Variants in LRRTM4 observed in about 807,000 individuals in gnomAD.
LRRTM4 encodes leucine-rich repeat transmembrane neuronal protein 4.
Under a neutral mutation model 47.6 loss-of-function variants are expected in LRRTM4, and 25 were observed. The observed-to-expected ratio is 0.53, with a 90% CI of 0.38 to 0.73. The LOEUF (loss-of-function observed/expected upper bound fraction) is 0.73, where lower values mean the gene tolerates loss of function less well. Among genes scored for constraint, LRRTM4 ranks in the 30% least tolerant of loss-of-function variants. The pLI is 0.00. For missense variants in LRRTM4, 638 were observed against 713.4 expected (o/e 0.89, Z 1.20); for synonymous variants, 311 against 269.5 (o/e 1.15, Z -1.51).
intron 3 of LRRTM4, among the ~76,000 whole-genome samples, chr2:76,809,237 ATCC>A (rs1468441001): frequency 6.6e-6 from 1 of 152,188 alleles, no homozygotes; most frequent in Non-Finnish European, 1.5e-5. Flanking sequence ...CATACATGCA[ATCC>A]TATTGTACAT....
At chr2:76,816,832 T>TG (rs1670913836) in intron 3 of LRRTM4, among the ~76,000 whole-genome samples, 2 of 33,506 alleles carry the variant, frequency 6.0e-5, no homozygotes, top group Non-Finnish European at 8.9e-5. Context: ...TTTTTTTTTT[T>TG]TTTTTTTTTT....
At chr2:77,266,048 A>C (rs1337828631) in intron 3 of LRRTM4, among the ~76,000 whole-genome samples, 1 of 152,144 alleles carries the variant, frequency 6.6e-6, no homozygotes, top group Non-Finnish European at 1.5e-5. Context: ...TTGTAAATGA[A>C]GATTTATTGG....
At chr2:76,861,905 C>G (rs1219107878) in intron 3 of LRRTM4, among the ~76,000 whole-genome samples, 1 of 151,972 alleles carries the variant, frequency 6.6e-6, no homozygotes, top group Admixed American at 6.6e-5. Context: ...ATCAATACAC[C>G]CTGTGGTTTT....
At chr2:76,839,104 A>G (rs987156705) in intron 3 of LRRTM4, among the ~76,000 whole-genome samples, 17 of 152,142 alleles carry the variant, frequency 1.1e-4, no homozygotes, top group African/African-American at 4.1e-4. Context: ...TCTCCCAAGG[A>G]TATTTACCAC....
chr2:77,160,994 C>G lies in LRRTM4; in HGVS notation c.1551+357324G>C, dbSNP rs183085614. Among the ~76,000 whole-genome samples the G allele has an allele frequency of 1.1e-3, 160 of 152,182 alleles. 2 individuals are homozygous for G. Among genetic ancestry groups the G allele is most frequent in the African/African-American group, 3.0e-3 (126 of 41,546 alleles). Reference sequence around the variant, plus strand: ...TGAAAGATTAAGGAATTTGTTTTTACTTTTAAAGAAAAATGATCCTTAGAT... The same window carrying G: ...TGAAAGATTAAGGAATTTGTTTTTAGTTTTAAAGAAAAATGATCCTTAGAT... On this transcript the variant is annotated intron_variant, in intron 3 of 3. Coordinates refer to ENST00000409884, the MANE Select transcript of LRRTM4 (RefSeq NM_001134745.3).
At chr2:77,349,893 T>A (rs934101186) in intron 3 of LRRTM4, among the ~76,000 whole-genome samples, 6 of 152,148 alleles carry the variant, frequency 3.9e-5, no homozygotes, top group Admixed American at 3.9e-4. Context: ...GAATATAATA[T>A]TATACCCCTA....
At chr2:76,933,278 T>G (rs1192326070) in intron 3 of LRRTM4, among the ~76,000 whole-genome samples, 1 of 152,090 alleles carries the variant, frequency 6.6e-6, no homozygotes, top group African/African-American at 2.4e-5. Context: ...AACAATAAAG[T>G]TATATGTTAC....
At chr2:76,799,005 C>G (rs6754689) in intron 3 of LRRTM4, among the ~76,000 whole-genome samples, 39,212 of 147,854 alleles carry the variant, frequency 0.27, 5,841 homozygotes, top group East Asian at 0.55. Flanking sequence ...GATTCACAGC[C>G]GAATTCTACC....
chr2:76,803,716 T>A (rs906783823), intron 3 of LRRTM4, among the ~76,000 whole-genome samples: 1 of 152,152 alleles, frequency 6.6e-6, no homozygotes, highest in Admixed American at 6.6e-5. Context: ...AGATCCTGCC[T>A]ACAAGTTACA....
chr2:77,295,906 T>A (rs1676960443), intron 3 of LRRTM4, among the ~76,000 whole-genome samples: 1 of 152,150 alleles, frequency 6.6e-6, no homozygotes, highest in Non-Finnish European at 1.5e-5. Flanking sequence ...GAATTAGTAA[T>A]TGAACATATG....
chr2:77,470,959 C>T (rs1052504232), intron 3 of LRRTM4, among the ~76,000 whole-genome samples: 2 of 152,086 alleles, frequency 1.3e-5, no homozygotes, highest in African/African-American at 4.8e-5. Flanking sequence ...CCTCTTCTCT[C>T]TCAGTGCTTC....
intron 3 of LRRTM4, among the ~76,000 whole-genome samples, chr2:77,494,219 T>G (rs1573491392): frequency 6.6e-6 from 1 of 152,168 alleles, no homozygotes; most frequent in Admixed American, 6.6e-5. Context: ...GCCAAGTTTT[T>G]ACTTATGAGG....
chr2:76,763,656 T>C (rs920190521), intron 3 of LRRTM4, among the ~76,000 whole-genome samples: 1 of 152,182 alleles, frequency 6.6e-6, no homozygotes, highest in African/African-American at 2.4e-5. Context: ...CTCCAAGAAA[T>C]AGCTAAAAAT....
chr2:77,183,462 A>C (rs1337753268), intron 3 of LRRTM4, among the ~76,000 whole-genome samples: 2 of 152,148 alleles, frequency 1.3e-5, no homozygotes, highest in Non-Finnish European at 2.9e-5. Context: ...GAGAAATAGG[A>C]ATACTTTTAC....
At chr2:76,797,940 A>G (rs1351026929) in intron 3 of LRRTM4, among the ~76,000 whole-genome samples, 3 of 150,830 alleles carry the variant, frequency 2.0e-5, no homozygotes, top group Non-Finnish European at 1.5e-5. Context: ...TATGCACCCA[A>G]TACAGGAGCA....
chr2:77,365,178 C>G (rs1268618661), intron 3 of LRRTM4, among the ~76,000 whole-genome samples: 1 of 151,912 alleles, frequency 6.6e-6, no homozygotes, highest in East Asian at 1.9e-4. Flanking sequence ...ATAAAAATAG[C>G]CTTAAGTGGA....
intron 3 of LRRTM4, among the ~76,000 whole-genome samples, chr2:77,222,209 A>T (rs1025000732): frequency 6.6e-6 from 1 of 152,252 alleles, no homozygotes; most frequent in Non-Finnish European, 1.5e-5. Flanking sequence ...TCAAAGCAGT[A>T]TGTAGAGGGA....
intron 3 of LRRTM4, among the ~76,000 whole-genome samples, chr2:76,981,923 C>T (rs2103968068): frequency 6.6e-6 from 1 of 152,054 alleles, no homozygotes; most frequent in South Asian, 2.1e-4. Context: ...TGAGGAGTCT[C>T]AGTTTCTGGA....
intron 3 of LRRTM4, among the ~76,000 whole-genome samples, chr2:77,262,484 C>T (rs1157573536): frequency 2.1e-5 from 3 of 142,744 alleles, no homozygotes; most frequent in African/African-American, 9.2e-5. Flanking sequence ...ACTTTATTTA[C>T]ATTTGTTTAG....
Sources: allele counts gnomAD v4.1 joint callset (sites outside exome capture counted in the v4.1 genomes callset), GRCh38; gene constraint gnomAD v4.1.1; transcripts MANE v1.5; gene names NCBI Gene and HGNC (gene_info 2026-07-23, HGNC 2026-07-21).